SLC9B1: variants seen among roughly 807,000 people sequenced by gnomAD.
SLC9B1 encodes sodium/hydrogen exchanger 9B1.
In SLC9B1, 32 loss-of-function variants were observed where a neutral mutation model predicts 51.7. The ratio of observed to expected loss-of-function variants is 0.62; its 90% CI spans 0.47 to 0.83. The LOEUF is 0.83. SLC9B1 is among the 40% of genes least tolerant of loss of function. SLC9B1 has a pLI of 0.00. For synonymous variants in SLC9B1, 145 were observed against 212.7 expected (o/e 0.68, Z 2.77); for missense variants, 406 against 613.2 (o/e 0.66, Z 3.57).
chr4:102,888,767 GCCT>G (rs1734071967), intron 11 of SLC9B1: 1 of 152,240 alleles, frequency 6.6e-6, no homozygotes, highest in Admixed American at 6.5e-5. Context: ...CTAGTGCTCC[GCCT>G]CTGCTGGGCT....
rs1440641791 is a variant in SLC9B1 at position 102,957,730 on chromosome 4, A to G, written c.212-8303T>C. ...CCTATAAGGAATAAACGGCACTGGA[A>G]GTGGTAAATAAATTTGTAAGTATAA... On this transcript the variant is annotated intron_variant, in intron 3 of 11. Coordinates refer to ENST00000296422, the MANE Select transcript of SLC9B1 (RefSeq NM_139173.4). Among the ~76,000 whole-genome samples the G allele has an allele frequency of 7.9e-5, 12 of 152,250 alleles. No individual in the cohort carries two copies. In the Middle Eastern group the frequency reaches 0.01, roughly 129 times the overall value.
At chr4:102,924,187 T>G (rs1047594577) in intron 7 of SLC9B1, among the ~76,000 whole-genome samples, 22 of 152,188 alleles carry the variant, frequency 1.4e-4, no homozygotes, top group African/African-American at 5.1e-4. Flanking sequence ...CAAAACAGCA[T>G]GGTACTGGTG....
chr4:102,978,703 T>G (rs1739204433), intron 3 of SLC9B1, among the ~76,000 whole-genome samples: 1 of 152,174 alleles, frequency 6.6e-6, no homozygotes, highest in Non-Finnish European at 1.5e-5. Context: ...GGAACACTTT[T>G]ACACTGTTGG....
Position 102,948,549 on chromosome 4 carries a change from T to C in SLC9B1, c.382+708A>G, listed in dbSNP as rs576534850. 3.3e-5 allele frequency among the ~76,000 whole-genome samples: 5 copies of C among 152,250 alleles called. No homozygotes were observed. The South Asian group carries it at 1.0e-3, about 32-fold the overall frequency. On this transcript the variant is annotated intron_variant, in intron 4 of 11. Coordinates refer to ENST00000296422, the MANE Select transcript of SLC9B1 (RefSeq NM_139173.4). ...CACACATATGTTCATTGTAGCACTA[T>C]TCACAATAAAAGGACATGGAATCAA...
At chr4:102,925,337 A>G (rs1228037650) in intron 7 of SLC9B1, among the ~76,000 whole-genome samples, 4 of 152,302 alleles carry the variant, frequency 2.6e-5, no homozygotes, top group Middle Eastern at 3.4e-3. Flanking sequence ...TCTCACTCAT[A>G]GGTGGGAATT....
At chr4:102,976,413 C>T (rs1469170193) in intron 3 of SLC9B1, among the ~76,000 whole-genome samples, 10 of 152,178 alleles carry the variant, frequency 6.6e-5, no homozygotes, top group Admixed American at 6.5e-4. Flanking sequence ...GTTTTCATGA[C>T]ATCTCATTTG....
At chr4:102,978,926 G>T (rs904228669) in intron 3 of SLC9B1, among the ~76,000 whole-genome samples, 1 of 152,076 alleles carries the variant, frequency 6.6e-6, no homozygotes, top group Non-Finnish European at 1.5e-5. Flanking sequence ...TTATTGATAT[G>T]GTTAGCTTTC....
intron 6 of SLC9B1, among the ~76,000 whole-genome samples, chr4:102,943,353 T>A (rs1215272140): frequency 6.6e-6 from 1 of 152,066 alleles, no homozygotes; most frequent in African/African-American, 2.4e-5. Context: ...AAAGAAGTCA[T>A]TATATGAAAA....
chr4:102,920,903 G>A (rs1469178378), intron 7 of SLC9B1, among the ~76,000 whole-genome samples: 6 of 152,308 alleles, frequency 3.9e-5, no homozygotes, highest in African/African-American at 1.4e-4. Flanking sequence ...AAGAAATATG[G>A]GACTATGTGA....
intron 6 of SLC9B1, chr4:102,941,471 A>G (rs1736990235): frequency 2.2e-6 from 1 of 455,740 alleles, no homozygotes; most frequent in Non-Finnish European, 4.4e-6. Context: ...CAGAATGGCT[A>G]TTATCAAAAA....
intron 3 of SLC9B1, among the ~76,000 whole-genome samples, chr4:102,969,220 A>C (rs1214865904): frequency 3.3e-5 from 5 of 152,178 alleles, no homozygotes; most frequent in Non-Finnish European, 7.4e-5. Context: ...GAGAATGGGC[A>C]GAGCTCCTGG....
At position 102,960,337 on chromosome 4, in the gene SLC9B1, T is replaced by C. The variant is rs529555075; in HGVS notation, c.212-10910A>G. On this transcript the variant is annotated intron_variant, in intron 3 of 11. Transcript: ENST00000296422. ...GCAATTACAACTCTGGGTAGAGAAA[T>C]AGTAAAATGGCCAGAAACAGACTGG... is the stretch of plus-strand genomic sequence containing the variant. Among the ~76,000 whole-genome samples, 12 of 152,146 alleles carry C rather than the reference T, an allele frequency of 7.9e-5. 2 individuals carry two copies. The South Asian group carries it at 2.3e-3, about 29-fold the overall frequency.
At chr4:102,899,437 A>C (rs1246461233), downstream of SLC9B1, among the ~76,000 whole-genome samples, 4 of 150,964 alleles carry the variant, frequency 2.6e-5, no homozygotes, top group African/African-American at 9.7e-5. Flanking sequence ...TTTTTGAGAC[A>C]GAGTCTTGCT....
intron 5 of SLC9B1, 134 bp from the exon 6 acceptor site, chr4:102,945,454 C>T (rs1230912689): frequency 4.5e-6 from 4 of 885,352 alleles, no homozygotes; most frequent in African/African-American, 1.7e-5. Context: ...AACAGATTGT[C>T]CCACTGGACT....
chr4:102,951,817 TG>T (rs1417698830), intron 3 of SLC9B1, among the ~76,000 whole-genome samples: 1 of 151,588 alleles, frequency 6.6e-6, no homozygotes, highest in East Asian at 1.9e-4. Flanking sequence ...AGAAGAAAAC[TG>T]GCTTCAAACT....
chr4:102,928,253 T>C (rs1391273154), intron 7 of SLC9B1, among the ~76,000 whole-genome samples: 1 of 152,180 alleles, frequency 6.6e-6, no homozygotes, highest in Non-Finnish European at 1.5e-5. Flanking sequence ...AAGTTTCTTC[T>C]ACCAGATGTC....
intron 6 of SLC9B1, among the ~76,000 whole-genome samples, chr4:102,944,396 A>G (rs28674656): frequency 0.54 from 82,686 of 152,002 alleles, 23,042 homozygotes; most frequent in African/African-American, 0.68. Context: ...TTGGAGAAGA[A>G]AAAAACTCGT....
chr4:102,927,048 T>A (rs1164456467), intron 7 of SLC9B1, among the ~76,000 whole-genome samples: 1 of 152,230 alleles, frequency 6.6e-6, no homozygotes, highest in African/African-American at 2.4e-5. Flanking sequence ...GCTAGCCATA[T>A]GTAGAAAGCT....
intron 1 of SLC9B1, among the ~76,000 whole-genome samples, chr4:102,994,885 T>A (rs1334341429): frequency 6.6e-6 from 1 of 152,136 alleles, no homozygotes; most frequent in Non-Finnish European, 1.5e-5. Flanking sequence ...TCCAGTTACC[T>A]CCTCATTGTT....
Sources: gnomAD v4.1 joint callset for allele counts (sites outside exome capture counted in the v4.1 genomes callset) on GRCh38, gnomAD v4.1.1 for gene constraint, MANE v1.5 for transcripts, NCBI Gene and HGNC (gene_info 2026-07-23, HGNC 2026-07-21) for gene names.